DLGAP2: variants seen among roughly 807,000 people sequenced by gnomAD.
DLGAP2 encodes the protein disks large-associated protein 2.
In DLGAP2, 26 loss-of-function variants were observed where a neutral mutation model predicts 100.3. The ratio of observed to expected loss-of-function variants is 0.26; its 90% CI spans 0.19 to 0.36. The LOEUF is 0.36. DLGAP2 is among the 10% of genes least tolerant of loss of function. The pLI, the probability that DLGAP2 is intolerant of heterozygous loss-of-function variation, is 1.00. For synonymous variants in DLGAP2, 886 were observed against 630.1 expected (o/e 1.41, Z -6.08); for missense variants, 1,858 against 1,453.2 (o/e 1.28, Z -4.53).
At chr8:975,892 A>G (rs1230093125) in intron 2 of DLGAP2, among the ~76,000 whole-genome samples, 1 of 151,628 alleles carries the variant, frequency 6.6e-6, no homozygotes, top group African/African-American at 2.4e-5. Context: ...AGCTGTACAG[A>G]CCAAGACGGG....
intron 2 of DLGAP2, chr8:1,250,585 G>A (rs1458263385): frequency 6.6e-6 from 1 of 152,118 alleles, no homozygotes; most frequent in Non-Finnish European, 1.5e-5. Context: ...AATTATCTCG[G>A]TCCAGAAGCA....
At position 1,031,505 on chromosome 8, in the gene DLGAP2, G is replaced by A. The variant is rs556380864; in HGVS notation, c.73+123539G>A. ...CAGCTCAGTACAGCCTCAACCTCCC[G>A]GGCTCAAGTGATCCTGCCACCTCAG... On this transcript the variant is annotated intron_variant, in intron 2 of 14. Transcript: ENST00000637795. 2.4e-3 allele frequency among the ~76,000 whole-genome samples: 366 copies of A among 152,022 alleles called. 1 individual carries two copies. The highest frequency in any genetic ancestry group is 6.8e-3 in the Middle Eastern group (2 of 294).
intron 1 of DLGAP2, among the ~76,000 whole-genome samples, chr8:800,690 A>G (rs1271387376): frequency 1.3e-5 from 2 of 151,906 alleles, no homozygotes; most frequent in Non-Finnish European, 2.9e-5. Context: ...GTGTATGTGC[A>G]TGTGTGCATG....
At chr8:976,437 C>A (rs1415954557) in intron 2 of DLGAP2, among the ~76,000 whole-genome samples, 2 of 152,096 alleles carry the variant, frequency 1.3e-5, no homozygotes, top group African/African-American at 4.8e-5. Context: ...TGGTAAAACC[C>A]CATGTCTACT....
chr8:1,054,628 G>T (rs1415155872), intron 2 of DLGAP2, among the ~76,000 whole-genome samples: 1 of 152,150 alleles, frequency 6.6e-6, no homozygotes, highest in Non-Finnish European at 1.5e-5. Context: ...CTCTTGGGTT[G>T]TGTACCTAGG....
intron 2 of DLGAP2, among the ~76,000 whole-genome samples, chr8:1,099,560 C>T (rs1804510702): frequency 6.6e-6 from 1 of 152,208 alleles, no homozygotes; most frequent in African/African-American, 2.4e-5. Flanking sequence ...GACTTCGTCC[C>T]TTTCAGAGGC....
At chr8:1,236,923 C>G (rs1798667903) in intron 2 of DLGAP2, among the ~76,000 whole-genome samples, 2 of 137,384 alleles carry the variant, frequency 1.5e-5, no homozygotes. Context: ...TCACATGGTG[C>G]CGTGTCTAGT....
At chr8:1,651,646 C>A (rs1204466097) in intron 8 of DLGAP2, among the ~76,000 whole-genome samples, 1 of 152,188 alleles carries the variant, frequency 6.6e-6, no homozygotes, top group South Asian at 2.1e-4. Context: ...ATGGCTTAAG[C>A]CCCTAGCTCC....
At chr8:1,110,442 C>T (rs569525346) in intron 2 of DLGAP2, among the ~76,000 whole-genome samples, 7 of 118,224 alleles carry the variant, frequency 5.9e-5, no homozygotes, top group South Asian at 3.0e-4. Flanking sequence ...GTCTGTGACA[C>T]GTGCTGGGTC....
At chr8:1,119,365 TC>T (rs1481272144) in intron 2 of DLGAP2, among the ~76,000 whole-genome samples, 2 of 152,378 alleles carry the variant, frequency 1.3e-5, no homozygotes, top group East Asian at 3.9e-4. Flanking sequence ...CTCCCCATGC[TC>T]TTACATGGGA....
At chr8:1,314,817 A>C (rs554203174) in intron 3 of DLGAP2, among the ~76,000 whole-genome samples, 85 of 152,364 alleles carry the variant, frequency 5.6e-4, no homozygotes, top group African/African-American at 1.0e-3. Flanking sequence ...TGAAGGATAC[A>C]CACAGGATTG....
intron 2 of DLGAP2, among the ~76,000 whole-genome samples, chr8:1,233,475 C>G (rs1001238272): frequency 6.6e-6 from 1 of 152,164 alleles, no homozygotes; most frequent in African/African-American, 2.4e-5. Context: ...GCTAACGGGG[C>G]TAATCGCAGA....
chr8:1,023,855 ATATGTGTG>A (rs1801698933), intron 2 of DLGAP2, among the ~76,000 whole-genome samples: 1 of 59,274 alleles, frequency 1.7e-5, no homozygotes, highest in African/African-American at 4.7e-5. Context: ...CAAACTTTAT[ATATGTGTG>A]TGTGTGTGTG....
At chr8:1,273,071 G>A (rs1247605989) in intron 3 of DLGAP2, among the ~76,000 whole-genome samples, 1 of 152,066 alleles carries the variant, frequency 6.6e-6, no homozygotes. Flanking sequence ...TCCTGGTCCG[G>A]GTCCTGAATT....
chr8:1,227,168 A>AC (rs1186645763), intron 2 of DLGAP2, among the ~76,000 whole-genome samples: 4 of 137,868 alleles, frequency 2.9e-5, no homozygotes, highest in African/African-American at 1.2e-4. Context: ...ATATATATAT[A>AC]TATATAGTAT....
chr8:845,131 G>A (rs983307712), intron 1 of DLGAP2, among the ~76,000 whole-genome samples: 1 of 152,186 alleles, frequency 6.6e-6, no homozygotes, highest in Non-Finnish European at 1.5e-5. Flanking sequence ...GCATATTTGT[G>A]CACAACTTTT....
intron 2 of DLGAP2, among the ~76,000 whole-genome samples, chr8:1,214,756 A>G (rs890129267): frequency 2.6e-5 from 4 of 152,234 alleles, no homozygotes; most frequent in Admixed American, 6.5e-5. Flanking sequence ...TGTAGAGTGA[A>G]TGAATGCATA....
intron 2 of DLGAP2, among the ~76,000 whole-genome samples, chr8:1,020,148 CCTGA>C (rs1801588129): frequency 1.3e-5 from 2 of 152,080 alleles, no homozygotes; most frequent in African/African-American, 2.4e-5. Flanking sequence ...CATACAGTGG[CCTGA>C]CTTTTATTGA....
At chr8:1,225,454 A>G (rs190917563) in intron 2 of DLGAP2, among the ~76,000 whole-genome samples, 227 of 152,326 alleles carry the variant, frequency 1.5e-3, no homozygotes, top group African/African-American at 5.4e-3. Context: ...GTCACTTACT[A>G]GGGTGGGGTT....
Sources: gnomAD v4.1 joint callset for allele counts (sites outside exome capture counted in the v4.1 genomes callset) on GRCh38, gnomAD v4.1.1 for gene constraint, MANE v1.5 for transcripts, NCBI Gene and HGNC (gene_info 2026-07-23, HGNC 2026-07-21) for gene names.